Variants in KAZN observed in about 807,000 individuals in gnomAD.
KAZN encodes the protein kazrin.
In KAZN, 40 loss-of-function variants were observed where a neutral mutation model predicts 87.4. That is an observed-to-expected ratio of 0.46 (90% CI 0.36 to 0.60). The LOEUF is 0.60. Among genes scored for constraint, KAZN ranks in the 20% least tolerant of loss-of-function variants. The pLI is 0.00. For missense variants in KAZN, 898 were observed against 1,073.9 expected, an observed-to-expected ratio of 0.84 and a Z score of 2.29; for synonymous variants, 466 against 458.3, an observed-to-expected ratio of 1.02 and a Z score of -0.22.
rs747956944 is a variant in KAZN at position 15,056,071 on chromosome 1, T to G, written c.727-20T>G. ...CCCCTTGATCATGACTTCTTCTTCC[T>G]GTCTTCTTGCTCTCTCCAGGCCAAA... On this transcript the variant is annotated intron_variant, in intron 4 of 14. Coordinates refer to ENST00000376030, the MANE Select transcript of KAZN (RefSeq NM_201628.3). The surrounding 1 kb of genome is among the most constrained non-coding windows in gnomAD (Gnocchi z 5.4). 17 of 1,584,878 alleles carry G rather than the reference T, an allele frequency of 1.1e-5. No individual in the cohort carries two copies. In the South Asian group the frequency reaches 1.9e-4, roughly 18 times the overall value.
chr1:14,016,269 G>A lies in KAZN; in HGVS notation c.91+122513G>A, dbSNP rs183699436. On this transcript the variant is annotated intron_variant, in intron 1 of 16. Transcript: ENST00000636203. ...TTATTAAACACTTTGCACACATTCC[G>A]TGTTGTGCTAGGGAAAAATGCAAGA... Among the ~76,000 whole-genome samples, 21 of 152,304 alleles carry A rather than the reference G, an allele frequency of 1.4e-4. No homozygotes were observed. The East Asian group carries it at 2.9e-3, about 21-fold the overall frequency.
intron 1 of KAZN, among the ~76,000 whole-genome samples, chr1:14,757,949 C>A (rs1361935327): frequency 6.6e-6 from 1 of 152,132 alleles, no homozygotes; most frequent in Non-Finnish European, 1.5e-5. Context: ...AACAGTGACC[C>A]CATTGCATTG....
chr1:14,255,662 A>G (rs1051668611), intron 2 of KAZN, among the ~76,000 whole-genome samples: 9 of 152,244 alleles, frequency 5.9e-5, no homozygotes, highest in African/African-American at 1.4e-4. Context: ...TGTGACTTCC[A>G]CAATGGTCAT....
Position 14,528,987 on chromosome 1 carries a change from C to T in KAZN, c.250-69996C>T, listed in dbSNP as rs151176739. Among the ~76,000 whole-genome samples the T allele has an allele frequency of 3.9e-5, 6 of 152,122 alleles. No homozygotes were observed. The East Asian group carries it at 1.2e-3, about 30-fold the overall frequency. On this transcript the variant is annotated intron_variant, in intron 2 of 16. Transcript: ENST00000636203. ...CCCATTCCAGTTATCTTTATTCTAACAATTACTGCAGTTATAACAAAATAA... is the reference window on the plus strand; with the variant it reads ...CCCATTCCAGTTATCTTTATTCTAATAATTACTGCAGTTATAACAAAATAA...
intron 1 of KAZN, among the ~76,000 whole-genome samples, chr1:14,738,062 T>C (rs1572361360): frequency 1.3e-5 from 2 of 152,330 alleles, no homozygotes; most frequent in Admixed American, 1.3e-4. Context: ...TTCTACCTAC[T>C]GCCCTTCAGT....
At chr1:14,683,629 A>G (rs551321103) in intron 1 of KAZN, among the ~76,000 whole-genome samples, 51 of 152,354 alleles carry the variant, frequency 3.3e-4, no homozygotes, top group African/African-American at 1.1e-3. Context: ...TAACCTCATT[A>G]GAGTATCAGC....
chr1:14,366,157 C>T (rs1157978177), intron 2 of KAZN, among the ~76,000 whole-genome samples: 1 of 152,176 alleles, frequency 6.6e-6, no homozygotes, highest in Non-Finnish European at 1.5e-5. Flanking sequence ...TAAACATAAT[C>T]CTTTACAGTG....
intron 13 of KAZN, among the ~76,000 whole-genome samples, chr1:15,105,193 T>C (rs1298108817): frequency 6.6e-6 from 1 of 152,240 alleles, no homozygotes; most frequent in Non-Finnish European, 1.5e-5. Context: ...AATTGGGAAG[T>C]ATTCTCTCCT....
intron 1 of KAZN, among the ~76,000 whole-genome samples, chr1:14,645,399 A>G (rs951978498): frequency 1.3e-5 from 2 of 152,166 alleles, no homozygotes; most frequent in African/African-American, 4.8e-5. Context: ...GGCAGTATGG[A>G]CATTTTAATG....
At chr1:14,673,030 C>G (rs1028129246) in intron 1 of KAZN, among the ~76,000 whole-genome samples, 2 of 152,250 alleles carry the variant, frequency 1.3e-5, no homozygotes, top group Non-Finnish European at 2.9e-5. Context: ...AGGCTTATAA[C>G]ATTGGGGAAC....
chr1:14,945,775 C>A, intron 1 of KAZN: 1 of 562,382 alleles, frequency 1.8e-6, no homozygotes. Context: ...TGAGCTGCCC[C>A]GCAGCACTTT....
chr1:14,417,041 C>CACACACTA (rs879353341), intron 2 of KAZN, among the ~76,000 whole-genome samples: 1 of 148,258 alleles, frequency 6.7e-6, no homozygotes, highest in African/African-American at 2.5e-5. Flanking sequence ...CACACACACA[C>CACACACTA]GTTAACCAGG....
chr1:14,428,803 A>G (rs1397121099), intron 2 of KAZN, among the ~76,000 whole-genome samples: 1 of 152,122 alleles, frequency 6.6e-6, no homozygotes, highest in African/African-American at 2.4e-5. Context: ...AACCACCCCC[A>G]TGATTCAATT....
At chr1:14,191,736 G>T (rs1352208208) in intron 2 of KAZN, among the ~76,000 whole-genome samples, 1 of 152,076 alleles carries the variant, frequency 6.6e-6, no homozygotes, top group Non-Finnish European at 1.5e-5. Context: ...CTTGAAACTG[G>T]GTTTAGAGAC....
intron 1 of KAZN, among the ~76,000 whole-genome samples, chr1:14,847,205 C>T (rs550512802): frequency 6.6e-6 from 1 of 152,088 alleles, no homozygotes; most frequent in African/African-American, 2.4e-5. Flanking sequence ...GGATTTATGC[C>T]GCACACTGAT....
chr1:15,023,893 G>A (rs1486262310), intron 2 of KAZN, among the ~76,000 whole-genome samples: 1 of 144,622 alleles, frequency 6.9e-6, no homozygotes, highest in African/African-American at 2.5e-5. Flanking sequence ...TGGGGGTGGA[G>A]TATGAGAAAA....
intron 1 of KAZN, among the ~76,000 whole-genome samples, chr1:14,673,860 GTCA>G (rs1040942165): frequency 2.0e-5 from 3 of 152,214 alleles, no homozygotes; most frequent in Non-Finnish European, 2.9e-5. Flanking sequence ...GGTCCTGTGT[GTCA>G]TCAAGTCCAG....
At chr1:14,179,929 A>G (rs955758660) in intron 1 of KAZN, among the ~76,000 whole-genome samples, 8 of 152,216 alleles carry the variant, frequency 5.3e-5, no homozygotes, top group African/African-American at 1.9e-4. Context: ...TTCAGCCCAC[A>G]TGTGGCACTG....
At chr1:14,747,261 A>G (rs1444352240) in intron 1 of KAZN, among the ~76,000 whole-genome samples, 1 of 151,888 alleles carries the variant, frequency 6.6e-6, no homozygotes, top group Non-Finnish European at 1.5e-5. Flanking sequence ...TCACATTTTT[A>G]TTTTTATTTT....
Sources: gnomAD v4.1 joint callset for allele counts (sites outside exome capture counted in the v4.1 genomes callset) on GRCh38, gnomAD v4.1.1 for gene constraint, Gnocchi (gnomAD v3.1) non-coding constraint, MANE v1.5 for transcripts, NCBI Gene and HGNC (gene_info 2026-07-23, HGNC 2026-07-21) for gene names.